The following KCNMA1 variants were observed in gnomAD, a reference collection of about 807,000 sequenced individuals.
The protein encoded by KCNMA1 is potassium calcium-activated channel subfamily M alpha 1, also known as Calcium-activated potassium channel subunit alpha-1.
KCNMA1 carries 29 observed loss-of-function variants against 140.0 expected under a neutral mutation model. The observed-to-expected ratio is 0.21, with a 90% confidence interval of 0.15 to 0.28. The LOEUF is 0.28. KCNMA1 is among the 10% of genes least tolerant of loss of function. KCNMA1 has a pLI of 1.00. For synonymous variants in KCNMA1, 612 were observed against 611.9 expected (o/e 1.00, Z 0.00); for missense variants, 880 against 1,602.2 (o/e 0.55, Z 7.70).
chr10:77,298,109 C>CAATAATTG (rs772727161), intron 2 of KCNMA1, among the ~76,000 whole-genome samples: 16 of 152,142 alleles, frequency 1.1e-4, no homozygotes, highest in Non-Finnish European at 2.1e-4. Context: ...AAGAATGGAA[C>CAATAATTG]AATAATTGAA....
intron 2 of KCNMA1, among the ~76,000 whole-genome samples, chr10:77,345,306 C>T (rs1603273230): frequency 2.0e-5 from 3 of 152,290 alleles, no homozygotes; most frequent in Admixed American, 2.0e-4. Context: ...TACCATATCT[C>T]CATAGAATCG....
intron 2 of KCNMA1, among the ~76,000 whole-genome samples, chr10:77,349,610 C>T (rs1212591425): frequency 1.3e-5 from 2 of 152,166 alleles, no homozygotes; most frequent in Non-Finnish European, 2.9e-5. Flanking sequence ...CTTTTCTCCC[C>T]TATAAGAAAC....
chr10:77,520,089 T>G, intron 1 of KCNMA1, among the ~76,000 whole-genome samples: 1 of 151,266 alleles, frequency 6.6e-6, no homozygotes, highest in Admixed American at 6.6e-5. Flanking sequence ...AGGTCTGGAG[T>G]ATGCAGTGTG....
chr10:77,431,447 T>C (rs2097149326), intron 1 of KCNMA1, among the ~76,000 whole-genome samples: 1 of 152,142 alleles, frequency 6.6e-6, no homozygotes. Context: ...TCTCTAATCC[T>C]TTTATGACAT....
intron 1 of KCNMA1, among the ~76,000 whole-genome samples, chr10:77,481,716 A>C (rs1425924102): frequency 2.0e-5 from 3 of 150,436 alleles, no homozygotes. Context: ...CAGAGCTTGC[A>C]GTGAGCCGAG....
chr10:77,360,889 C>T (rs2093889233), intron 2 of KCNMA1, among the ~76,000 whole-genome samples: 1 of 152,138 alleles, frequency 6.6e-6, no homozygotes, highest in African/African-American at 2.4e-5. Context: ...GAGGCCTGAG[C>T]CTCCTCACTG....
intron 27 of KCNMA1, 88 bp downstream of exon 27, chr10:76,889,363 C>T: frequency 2.2e-6 from 2 of 897,110 alleles, no homozygotes. Flanking sequence ...GAGATGTATA[C>T]AGACCTTTGC....
At chr10:77,479,906 GA>G (rs975311221) in intron 1 of KCNMA1, among the ~76,000 whole-genome samples, 2 of 152,236 alleles carry the variant, frequency 1.3e-5, no homozygotes, top group Admixed American at 6.5e-5. Context: ...TGAGGGGGAT[GA>G]GGGGGTCCTG....
rs556951133 is a variant in KCNMA1, at chr10:77,264,121, C to CCT, written c.541-12867_541-12866dup. Among the ~76,000 whole-genome samples, 73 of 152,294 alleles carry CCT rather than the reference C, an allele frequency of 4.8e-4. No individual in the cohort carries two copies. The South Asian group carries it at 0.015, about 30-fold the overall frequency. ...TGGAAGGCAGAGTCAGCAGCATAAACCTCTGCATGTGTATTCGCGCAAGTT... is the reference window on the plus strand; with the variant it reads ...TGGAAGGCAGAGTCAGCAGCATAAACCTCTCTGCATGTGTATTCGCGCAAGTT... On this transcript the variant is annotated intron_variant, in intron 2 of 27. Transcript: ENST00000286628.
At chr10:77,479,906 G>A (rs557967212) in intron 1 of KCNMA1, among the ~76,000 whole-genome samples, 3 of 152,354 alleles carry the variant, frequency 2.0e-5, no homozygotes, top group Admixed American at 1.3e-4. Flanking sequence ...TGAGGGGGAT[G>A]AGGGGGTCCT....
intron 19 of KCNMA1, among the ~76,000 whole-genome samples, chr10:76,984,378 C>T (rs974659641): frequency 4.0e-5 from 6 of 151,874 alleles, no homozygotes; most frequent in Non-Finnish European, 7.4e-5. Flanking sequence ...TTAGTAGAGA[C>T]GGGGTTTCAC....
chr10:77,404,428 G>A (rs191781991), intron 1 of KCNMA1, among the ~76,000 whole-genome samples: 3 of 152,006 alleles, frequency 2.0e-5, no homozygotes, highest in East Asian at 1.9e-4. Context: ...ACAGGCGCGC[G>A]GCCACCATGC....
At position 77,385,522 on chromosome 10, in the gene KCNMA1, G is replaced by A. The variant is rs2095569064; in HGVS notation, c.540+18340C>T. Among the ~76,000 whole-genome samples the A allele has an allele frequency of 3.9e-5, 6 of 152,242 alleles. No homozygotes were observed. In the South Asian group the frequency reaches 1.2e-3, roughly 31 times the overall value. On this transcript the variant is annotated intron_variant, in intron 2 of 27. Transcript: ENST00000286628. ...TCACACTAGTACATGGCAGAACAAA[G>A]GTCAAACTCAGCCAGTCTGGCTCTA...
intron 5 of KCNMA1, among the ~76,000 whole-genome samples, chr10:77,127,428 A>G (rs2097766005): frequency 6.6e-6 from 1 of 152,146 alleles, no homozygotes; most frequent in Non-Finnish European, 1.5e-5. Flanking sequence ...TTTCCAATTC[A>G]GACATTAGGA....
intron 15 of KCNMA1, 144 bp from the exon 16 acceptor site, chr10:77,028,035 G>A: frequency 1.3e-6 from 1 of 767,434 alleles, no homozygotes; most frequent in South Asian, 1.4e-5. Context: ...AAAGGGAGGG[G>A]GTGGAAGCAA....
intron 2 of KCNMA1, among the ~76,000 whole-genome samples, chr10:77,338,786 C>T (rs1164272181): frequency 2.0e-5 from 3 of 152,224 alleles, no homozygotes; most frequent in Non-Finnish European, 4.4e-5. Flanking sequence ...TCTGACCACT[C>T]AGAACTGCCA....
intron 2 of KCNMA1, among the ~76,000 whole-genome samples, chr10:77,355,945 A>G (rs1009164519): frequency 6.6e-6 from 1 of 152,168 alleles, no homozygotes; most frequent in Non-Finnish European, 1.5e-5. Flanking sequence ...GACCCCCTGT[A>G]CACAATATCC....
chr10:77,526,205 A>G (rs941304179), intron 1 of KCNMA1, among the ~76,000 whole-genome samples: 1 of 152,164 alleles, frequency 6.6e-6, no homozygotes, highest in Non-Finnish European at 1.5e-5. Flanking sequence ...ACATCACTGA[A>G]CCACTGATCC....
At chr10:76,882,949 C>T (rs979746679), downstream of KCNMA1, among the ~76,000 whole-genome samples, 4 of 152,300 alleles carry the variant, frequency 2.6e-5, no homozygotes, top group East Asian at 1.9e-4. Flanking sequence ...AGTTTCTGTA[C>T]TCTCCTCTTT....
Sources: gnomAD v4.1 joint callset for allele counts (sites outside exome capture counted in the v4.1 genomes callset) on GRCh38, gnomAD v4.1.1 for gene constraint, MANE v1.5 for transcripts, NCBI Gene and HGNC (gene_info 2026-07-23, HGNC 2026-07-21) for gene names.